The following PDE1A variants were observed in gnomAD, a reference collection of about 807,000 sequenced individuals.
PDE1A encodes the protein phosphodiesterase 1A.
PDE1A carries 35 observed loss-of-function variants against 61.7 expected under a neutral mutation model. The ratio of observed to expected loss-of-function variants is 0.57; its 90% CI spans 0.43 to 0.75. The LOEUF is 0.75. Ranked by LOEUF, PDE1A falls within the 30% of genes least tolerant of loss-of-function variation. PDE1A has a pLI of 0.00. For missense variants in PDE1A, 597 were observed against 630.6 expected (o/e 0.95, Z 0.57); for synonymous variants, 232 against 213.2 (o/e 1.09, Z -0.77).
the PDE1A span, among the ~76,000 whole-genome samples, chr2:182,556,171 A>G: frequency 1.2e-4 from 18 of 152,218 alleles, no homozygotes. Flanking sequence ...AACTGACCAT[A>G]TTGAAATTAT....
chr2:182,323,924 T>A (rs913239429), intron 1 of PDE1A, among the ~76,000 whole-genome samples: 2 of 152,224 alleles, frequency 1.3e-5, no homozygotes, highest in African/African-American at 4.8e-5. Flanking sequence ...GCAGTAGGGC[T>A]GTGCAGCCTT....
rs1574668417 is a variant in PDE1A, at chr2:182,201,648, G to GCCA, written c.1004+39_1004+40insTGG. 5 of 438,386 alleles carry GCCA rather than the reference G, an allele frequency of 1.1e-5. No homozygotes were observed. In the East Asian group the frequency reaches 2.4e-4, roughly 21 times the overall value. The allele number at this position is 438,386 out of a possible 1,614,324, so 27.2% of individuals were successfully genotyped here. A position where few individuals can be genotyped will look rare whatever the true frequency, so the allele number is the denominator to read the frequency against. On this transcript the variant is annotated intron_variant, in intron 9 of 13. Transcript: ENST00000351439. ...GGCCAAGCCCCTGGAACTTTAACAT[G>GCCA]ACAAAAAAAAAAAAACAACAAAAAA...
At chr2:182,559,006 G>A in the PDE1A span, among the ~76,000 whole-genome samples, 1 of 151,956 alleles carries the variant, frequency 6.6e-6, no homozygotes, top group Non-Finnish European at 1.5e-5. Context: ...AAATCCAAAG[G>A]GAAAACAAAA....
intron 13 of PDE1A, among the ~76,000 whole-genome samples, chr2:182,174,472 A>G (rs1051264648): frequency 3.3e-5 from 5 of 152,128 alleles, no homozygotes; most frequent in Admixed American, 2.6e-4. Flanking sequence ...CAGAAGGAGC[A>G]AGAGAAACTC....
intron 2 of PDE1A, among the ~76,000 whole-genome samples, chr2:182,449,377 G>T (rs1247467445): frequency 6.6e-6 from 1 of 151,490 alleles, no homozygotes; most frequent in Non-Finnish European, 1.5e-5. Flanking sequence ...GAGGACGAGC[G>T]GGCAAAATAA....
chr2:182,262,249 T>A (rs1661814628), intron 2 of PDE1A, among the ~76,000 whole-genome samples: 1 of 151,974 alleles, frequency 6.6e-6, no homozygotes, highest in Admixed American at 6.6e-5. Context: ...TCTTCTTTTT[T>A]TATTTCTTCT....
the PDE1A span, among the ~76,000 whole-genome samples, chr2:182,557,386 G>A: frequency 4.0e-4 from 61 of 151,044 alleles, no homozygotes; most frequent in African/African-American, 1.3e-3. Flanking sequence ...AGATTATTTC[G>A]GCAATCACTG....
At chr2:182,686,892 T>A in the PDE1A span, among the ~76,000 whole-genome samples, 4 of 150,596 alleles carry the variant, frequency 2.7e-5, no homozygotes, top group African/African-American at 7.5e-5. Context: ...ATCCCGCGCA[T>A]GGCTTGGAGG....
intron 2 of PDE1A, among the ~76,000 whole-genome samples, chr2:182,512,428 G>T (rs1278303129): frequency 1.3e-5 from 2 of 152,136 alleles, no homozygotes; most frequent in Non-Finnish European, 2.9e-5. Context: ...GTGCATGAAA[G>T]AATATAAAAG....
the PDE1A span, among the ~76,000 whole-genome samples, chr2:182,710,083 G>A: frequency 6.6e-6 from 1 of 152,114 alleles, no homozygotes; most frequent in African/African-American, 2.4e-5. Context: ...TTTTAGCAGA[G>A]ATACGGTTTC....
intron 1 of PDE1A, among the ~76,000 whole-genome samples, chr2:182,272,847 T>C (rs1200244583): frequency 1.3e-5 from 2 of 152,166 alleles, no homozygotes; most frequent in African/African-American, 2.4e-5. Context: ...AAAGAAGTTG[T>C]ATGAGATAGG....
the PDE1A span, among the ~76,000 whole-genome samples, chr2:182,691,467 G>A: frequency 6.6e-6 from 1 of 152,158 alleles, no homozygotes; most frequent in African/African-American, 2.4e-5. Context: ...TGGGAAAACT[G>A]GCTAGCCATA....
chr2:182,555,965 C>CAAAAAAAAAAAAAAAAAAAAAAAA, the PDE1A span, among the ~76,000 whole-genome samples: 7 of 48,438 alleles, frequency 1.4e-4, no homozygotes, highest in Non-Finnish European at 2.0e-4. Flanking sequence ...AACTCCATCT[C>CAAAAAAAAAAAAAAAAAAAAAAAA]AAAAAAAAAA....
intron 13 of PDE1A, among the ~76,000 whole-genome samples, chr2:182,182,284 C>T (rs962842732): frequency 1.5e-4 from 23 of 152,160 alleles, no homozygotes; most frequent in African/African-American, 5.1e-4. Context: ...TTGTTTCCTA[C>T]ATCTAATCTG....
chr2:182,250,842 C>T (rs1379977970), intron 2 of PDE1A, among the ~76,000 whole-genome samples: 1 of 152,130 alleles, frequency 6.6e-6, no homozygotes, highest in Non-Finnish European at 1.5e-5. Context: ...CCTCCATATC[C>T]AATCTAGGAA....
At chr2:182,572,296 A>C in the PDE1A span, among the ~76,000 whole-genome samples, 1 of 152,152 alleles carries the variant, frequency 6.6e-6, no homozygotes, top group African/African-American at 2.4e-5. Flanking sequence ...TTCATACAAT[A>C]ATCTCTCCTC....
intron 1 of PDE1A, among the ~76,000 whole-genome samples, chr2:182,310,795 C>T (rs1046676643): frequency 6.6e-6 from 1 of 152,152 alleles, no homozygotes; most frequent in African/African-American, 2.4e-5. Flanking sequence ...AAACTCATTT[C>T]CTTCTTCTAG....
intron 2 of PDE1A, among the ~76,000 whole-genome samples, chr2:182,452,612 A>G (rs1438136918): frequency 1.3e-5 from 2 of 152,100 alleles, no homozygotes; most frequent in Admixed American, 6.6e-5. Flanking sequence ...ACTACATTTT[A>G]CTGGAACAGA....
chr2:182,528,874 G>T, the PDE1A span, among the ~76,000 whole-genome samples: 1 of 152,222 alleles, frequency 6.6e-6, no homozygotes, highest in Non-Finnish European at 1.5e-5. Flanking sequence ...CAAGTGCACA[G>T]AAATCAAGAA....
Sources: allele counts gnomAD v4.1 joint callset (sites outside exome capture counted in the v4.1 genomes callset), GRCh38; gene constraint gnomAD v4.1.1; transcripts MANE v1.5; gene names NCBI Gene and HGNC (gene_info 2026-07-23, HGNC 2026-07-21).